The following PITPNC1 variants were observed in gnomAD, a reference collection of about 807,000 sequenced individuals.
PITPNC1 encodes phosphatidylinositol transfer protein cytoplasmic 1, also known as cytoplasmic phosphatidylinositol transfer protein 1.
PITPNC1 carries 18 observed loss-of-function variants against 44.7 expected under a neutral mutation model. The ratio of observed to expected loss-of-function variants is 0.40; its 90% CI spans 0.28 to 0.60. The LOEUF (loss-of-function observed/expected upper bound fraction) is 0.60. PITPNC1 is among the 20% of genes least tolerant of loss of function. The pLI is 0.39. For missense variants in PITPNC1, 290 were observed against 418.4 expected (o/e 0.69, Z 2.68); for synonymous variants, 141 against 149.6 (o/e 0.94, Z 0.42).
At chr17:67,593,989 G>T (rs2041427143) in intron 5 of PITPNC1, among the ~76,000 whole-genome samples, 1 of 152,192 alleles carries the variant, frequency 6.6e-6, no homozygotes, top group African/African-American at 2.4e-5. Context: ...TTGGTGGGTG[G>T]ATTGCTCATG....
intron 1 of PITPNC1, among the ~76,000 whole-genome samples, chr17:67,425,203 G>GCACACACACACACACACACACACACACA (rs60705271): frequency 1.1e-4 from 11 of 98,780 alleles, no homozygotes; most frequent in Admixed American, 4.1e-4. Context: ...GCACGCACAC[G>GCACACACACACACACACACACACACACA]CACACACACA....
chr17:67,636,016 C>T (rs2042027324), intron 6 of PITPNC1, among the ~76,000 whole-genome samples: 1 of 152,126 alleles, frequency 6.6e-6, no homozygotes. Context: ...TATCTGGCTC[C>T]AGCTGGGCGC....
intron 6 of PITPNC1, among the ~76,000 whole-genome samples, chr17:67,661,924 G>A (rs1214034082): frequency 2.0e-5 from 3 of 151,774 alleles, no homozygotes; most frequent in Non-Finnish European, 4.4e-5. Context: ...GAACCCGGGA[G>A]GTGGAGGTTG....
At chr17:67,642,678 A>G (rs1760483061) in intron 6 of PITPNC1, among the ~76,000 whole-genome samples, 1 of 152,126 alleles carries the variant, frequency 6.6e-6, no homozygotes, top group African/African-American at 2.4e-5. Flanking sequence ...ATAAGACGCC[A>G]AGTCTCGCTG....
intron 1 of PITPNC1, among the ~76,000 whole-genome samples, chr17:67,510,957 T>G (rs2040177319): frequency 6.6e-6 from 1 of 152,142 alleles, no homozygotes; most frequent in Non-Finnish European, 1.5e-5. Context: ...TATAAAAACT[T>G]CAAACCTCAT....
At chr17:67,464,888 C>T (rs561298004) in intron 1 of PITPNC1, among the ~76,000 whole-genome samples, 1 of 152,272 alleles carries the variant, frequency 6.6e-6, no homozygotes, top group South Asian at 2.1e-4. Flanking sequence ...TACAGGCATG[C>T]ACCACCAGGC....
intron 4 of PITPNC1, among the ~76,000 whole-genome samples, chr17:67,570,396 G>A (rs1255591888): frequency 6.6e-6 from 1 of 152,230 alleles, no homozygotes; most frequent in Non-Finnish European, 1.5e-5. Context: ...GCCCAGATCT[G>A]CTCTGTGGTT....
intron 1 of PITPNC1, among the ~76,000 whole-genome samples, chr17:67,404,097 A>C (rs1230451488): frequency 1.3e-5 from 2 of 152,220 alleles, no homozygotes; most frequent in Non-Finnish European, 2.9e-5. Context: ...TGCATAACCA[A>C]AGAGAAGTTG....
chr17:67,538,227 C>T (rs907212773), intron 2 of PITPNC1, among the ~76,000 whole-genome samples: 1 of 152,046 alleles, frequency 6.6e-6, no homozygotes, highest in African/African-American at 2.4e-5. Context: ...GGAAGATGAA[C>T]TCTTCGGTAT....
intron 1 of PITPNC1, among the ~76,000 whole-genome samples, chr17:67,436,908 GTTTTTTTTTTTTTTTTTTTTT>G (rs1044625193): frequency 1.5e-5 from 1 of 68,418 alleles, no homozygotes; most frequent in South Asian, 6.4e-4. Flanking sequence ...AAATAGGGGT[GTTTTTTTTTTTTTTTTTTTTT>G]TTTTTTTGAG....
chr17:67,693,443 A>G lies in PITPNC1; in HGVS notation c.*555A>G, dbSNP rs991241105. 6.5e-6 allele frequency: 1 copy of G among 152,674 alleles called. No individual in the cohort carries two copies. The highest frequency in any genetic ancestry group is 1.5e-5 in the Non-Finnish European group (1 of 68,070). The allele number at this position is 152,674 out of a possible 1,614,324, so 9.5% of individuals were successfully genotyped here. A position where few individuals can be genotyped will look rare whatever the true frequency, so the allele number is the denominator to read the frequency against. On this transcript the variant is annotated 3_prime_UTR_variant, in exon 9 of 9. Transcript: ENST00000581322. ...AAACTTTTGAAAATTTTAATCATCA[A>G]GCTATAGAGGCTCCAAGTGCAATTA...
chr17:67,626,691 C>T (rs1368021848), intron 5 of PITPNC1, among the ~76,000 whole-genome samples: 1 of 152,034 alleles, frequency 6.6e-6, no homozygotes, highest in East Asian at 1.9e-4. Context: ...TTAAACTCAG[C>T]TCTCCTGATT....
chr17:67,507,408 C>T lies in PITPNC1; in HGVS notation c.49-25394C>T, dbSNP rs142333379. 1.3e-4 allele frequency among the ~76,000 whole-genome samples: 20 copies of T among 152,098 alleles called. 1 individual carries two copies. The East Asian group carries it at 1.5e-3, about 12-fold the overall frequency. On this transcript the variant is annotated intron_variant, in intron 1 of 8. Transcript: ENST00000581322. ...AGTGAGATTTAGATCTGTCTGGGCA[C>T]GCATGGTGGCTCACACCTGTAATCC... is the stretch of plus-strand genomic sequence containing the variant.
At chr17:67,479,124 T>C (rs1293929295) in intron 1 of PITPNC1, among the ~76,000 whole-genome samples, 2 of 152,146 alleles carry the variant, frequency 1.3e-5, no homozygotes, top group Non-Finnish European at 2.9e-5. Flanking sequence ...TCCCCAACCC[T>C]ACCTTTCCTG....
At position 67,473,892 on chromosome 17, in the gene PITPNC1, C is replaced by T. The variant is rs529968212; in HGVS notation, c.49-58910C>T. On this transcript the variant is annotated intron_variant, in intron 1 of 8. Coordinates refer to ENST00000581322, the MANE Select transcript of PITPNC1 (RefSeq NM_012417.4). ...CCTGGTGATTTTCTATTCTCCCATG[C>T]CTTCTGCCTTTATTACATGGAATTC... Among the ~76,000 whole-genome samples the T allele has an allele frequency of 1.1e-4, 17 of 152,302 alleles. No individual in the cohort carries two copies. In the East Asian group the frequency reaches 3.1e-3, roughly 28 times the overall value.
chr17:67,506,920 T>C (rs1351844025), intron 1 of PITPNC1, among the ~76,000 whole-genome samples: 1 of 152,192 alleles, frequency 6.6e-6, no homozygotes, highest in African/African-American at 2.4e-5. Flanking sequence ...AATGTTAACA[T>C]TGTCTATTTC....
At chr17:67,593,205 A>T (rs941045101) in intron 5 of PITPNC1, among the ~76,000 whole-genome samples, 1 of 152,218 alleles carries the variant, frequency 6.6e-6, no homozygotes, top group Admixed American at 6.5e-5. Context: ...AGTTTATTTT[A>T]AAATGTGGAC....
At chr17:67,498,357 G>A (rs900375751) in intron 1 of PITPNC1, among the ~76,000 whole-genome samples, 1 of 152,166 alleles carries the variant, frequency 6.6e-6, no homozygotes, top group African/African-American at 2.4e-5. Flanking sequence ...ACTTTGGGAG[G>A]CCGAGGCGGG....
chr17:67,489,686 C>A (rs1167306492), intron 1 of PITPNC1, among the ~76,000 whole-genome samples: 1 of 152,202 alleles, frequency 6.6e-6, no homozygotes, highest in Admixed American at 6.5e-5. Flanking sequence ...AATTACTGAA[C>A]CCGAACCTTT....
Sources: gnomAD v4.1 joint callset for allele counts (sites outside exome capture counted in the v4.1 genomes callset) on GRCh38, gnomAD v4.1.1 for gene constraint, MANE v1.5 for transcripts, NCBI Gene and HGNC (gene_info 2026-07-23, HGNC 2026-07-21) for gene names.